Variants in ANO5 observed in about 807,000 individuals in gnomAD.
ANO5 encodes anoctamin 5.
A neutral mutation model predicts 121.0 loss-of-function variants in ANO5; 109 were observed. The observed-to-expected ratio is 0.90, with a 90% CI of 0.77 to 1.06. The LOEUF is 1.06. Ranked by LOEUF, ANO5 falls within the 50% of genes least tolerant of loss-of-function variation. The pLI is 0.00. For synonymous variants in ANO5, 406 were observed against 359.9 expected (o/e 1.13, Z -1.45); for missense variants, 1,064 against 1,078.5 (o/e 0.99, Z 0.19).
chr11:22,267,525 A>ATATATATATATATATATATATAT (rs1239852095), intron 17 of ANO5, among the ~76,000 whole-genome samples: 122 of 139,988 alleles, frequency 8.7e-4, no homozygotes, highest in South Asian at 4.3e-3. Flanking sequence ...TATATATATA[A>ATATATATATATATATATATATAT]AATCTATCTA....
At chr11:22,255,671 A>C in intron 13 of ANO5, 149 bp downstream of exon 13, 1 of 805,898 alleles carries the variant, frequency 1.2e-6, no homozygotes, top group Non-Finnish European at 1.9e-6. Flanking sequence ...TAATATACAT[A>C]CATGTATATA....
chr11:22,246,375 CT>C (rs1229418861), intron 9 of ANO5, among the ~76,000 whole-genome samples: 2 of 151,998 alleles, frequency 1.3e-5, no homozygotes, highest in African/African-American at 4.8e-5. Flanking sequence ...TCTCCTGTGT[CT>C]TAGGTTTGTA....
intron 9 of ANO5, 62 bp from the exon 10 acceptor site, chr11:22,250,175 A>C: frequency 6.8e-7 from 1 of 1,467,126 alleles, no homozygotes; most frequent in South Asian, 1.2e-5. Context: ...TGAATACAAA[A>C]TCAAGGCTCC....
At chr11:22,206,531 C>A (rs1852127026) in intron 2 of ANO5, among the ~76,000 whole-genome samples, 2 of 152,014 alleles carry the variant, frequency 1.3e-5, no homozygotes, top group African/African-American at 2.4e-5. Flanking sequence ...TCAGGCTGGT[C>A]TCGAACTCCT....
chr11:22,234,835 T>C (rs1407602427), intron 7 of ANO5, among the ~76,000 whole-genome samples: 1 of 152,070 alleles, frequency 6.6e-6, no homozygotes, highest in African/African-American at 2.4e-5. Flanking sequence ...AGCTGAACTG[T>C]TTATCCCCAT....
rs377549896 is a variant in ANO5 at position 22,279,711 on chromosome 11, C to G, written c.2688C>G (p.Ala896=). ...ENLGINSNEF[A]KHVMIEENKA... Reference sequence around the variant, plus strand: ...TGGGAATTAATTCTAATGAATTTGCCAAGCATGTCATGATTGAGGAAAACA... The same window carrying G: ...TGGGAATTAATTCTAATGAATTTGCGAAGCATGTCATGATTGAGGAAAACA... Residue 896 remains alanine (A), a synonymous_variant, in exon 22 of 22, where the codon GCC becomes GCG. Transcript: ENST00000324559. 3.9e-5 allele frequency: 63 copies of G among 1,612,732 alleles called. 1 individual carries two copies. Among genetic ancestry groups the G allele is most frequent in the South Asian group, 2.6e-4 (24 of 91,038 alleles).
In ANO5 at chr11:22,217,581, T is replaced by TTTA. The variant is rs933742293; in HGVS notation, c.139-653_139-651dup. 3.3e-5 allele frequency among the ~76,000 whole-genome samples: 5 copies of TTTA among 152,120 alleles called. No homozygotes were observed. In the East Asian group the frequency reaches 7.7e-4, roughly 24 times the overall value. ...TATTTTTATTATTTTCATGTTTTCC[T>TTTA]TTATTATTATTATTTTTCTCTTCTC... On this transcript the variant is annotated intron_variant, in intron 3 of 21. Coordinates refer to ENST00000324559, the MANE Select transcript of ANO5 (RefSeq NM_213599.3).
Position 22,239,595 on chromosome 11 carries a change from TC to T in ANO5, c.792del (p.Asn265IlefsTer25). The T allele has an allele frequency of 6.2e-7, 1 of 1,612,806 alleles. No homozygotes were observed. Among genetic ancestry groups the T allele is most frequent in the South Asian group, 1.1e-5 (1 of 91,062 alleles). On this transcript the variant is annotated frameshift_variant, in exon 9 of 22. Transcript: ENST00000324559. LOFTEE classifies it high-confidence loss of function. ...GCCAATATTGGAAGCCATCAGAACC[TC>T]CCAATCCTACCAATGAAAGATACAC... The part of the protein sequence containing the change: ...DGQYWKPSEP[P>X]NPTNERYTLH...
At chr11:22,263,439 G>C (rs1286031969) in intron 17 of ANO5, among the ~76,000 whole-genome samples, 1 of 151,952 alleles carries the variant, frequency 6.6e-6, no homozygotes, top group East Asian at 1.9e-4. Context: ...TATTATTTCT[G>C]AATATTACTA....
In ANO5 at chr11:22,279,860, C is replaced by A; in HGVS notation, c.*95C>A. Reference sequence around the variant, plus strand: ...CCAGAAGCCATGTGTCAATTTTACCCTTTCTTTTTTTTTTTTTTCTTTTTT... The same window carrying A: ...CCAGAAGCCATGTGTCAATTTTACCATTTCTTTTTTTTTTTTTTCTTTTTT... On this transcript the variant is annotated 3_prime_UTR_variant, in exon 22 of 22. Transcript: ENST00000324559. 9.9e-7 allele frequency: 1 copy of A among 1,006,268 alleles called. No individual in the cohort carries two copies. Among genetic ancestry groups the A allele is most frequent in the Non-Finnish European group, 1.4e-6 (1 of 730,216 alleles). 62.3% of individuals were successfully genotyped at this position (1,006,268 alleles called of 1,614,324 possible). A position where few individuals can be genotyped will look rare whatever the true frequency, so the allele number is the denominator to read the frequency against.
chr11:22,196,013 T>C (rs903667348), intron 1 of ANO5, among the ~76,000 whole-genome samples: 3 of 152,188 alleles, frequency 2.0e-5, no homozygotes, highest in Non-Finnish European at 4.4e-5. Context: ...TTTTTAGATG[T>C]TTCTTAGCAT....
At chr11:22,255,340 A>G (rs1853963140) in intron 12 of ANO5, 31 bp from the exon 13 acceptor site, 1 of 1,509,252 alleles carries the variant, frequency 6.6e-7, no homozygotes, top group Non-Finnish European at 8.9e-7. Context: ...CTTTTTTAAT[A>G]TCTTTTTTTT....
chr11:22,269,497 AAAGG>A (rs1471621713), intron 17 of ANO5, among the ~76,000 whole-genome samples: 2 of 12,862 alleles, frequency 1.6e-4, no homozygotes, highest in African/African-American at 9.9e-4. Flanking sequence ...AGAAAAAAGA[AAAGG>A]AAGGAAAGAA....
In ANO5 at chr11:22,250,297, G is replaced by T; in HGVS notation, c.939G>T (p.Met313Ile). The T allele has an allele frequency of 6.2e-7, 1 of 1,611,304 alleles. No homozygotes were observed. The highest frequency in any genetic ancestry group is 8.5e-7 in the Non-Finnish European group (1 of 1,177,942). The change falls in exon 10 of 22, where the codon ATG (methionine) becomes ATT (isoleucine). Residue 313 changes from methionine to isoleucine, a missense_variant. Met to Ile is a conservative substitution (Grantham distance 10, BLOSUM62 1). Transcript: ENST00000324559. ...YFVFLGFYTE[M>I]LFFAAVVGLA... is the part of the protein sequence containing the mutation. ...TCTTTCTTGGATTTTACACAGAAAT[G>T]CTATTCTTTGCAGCTGTAGTTGGCT...
At position 22,280,016 on chromosome 11, in the gene ANO5, G is replaced by GA. The variant is rs1855025416; in HGVS notation, c.*254dup. The GA allele has an allele frequency of 2.1e-6, 1 of 483,598 alleles. No homozygotes were observed. Among genetic ancestry groups the GA allele is most frequent in the Non-Finnish European group, 3.7e-6 (1 of 271,126 alleles). The allele number at this position is 483,598 out of a possible 1,614,324, so 30.0% of individuals were successfully genotyped here. ...TTCTGAGGTGCTGTAAATGACTGTT[G>GA]AAAGTGCAGGTAGAATCAGAATACT... On this transcript the variant is annotated 3_prime_UTR_variant, in exon 22 of 22. Transcript: ENST00000324559.
intron 12 of ANO5, among the ~76,000 whole-genome samples, chr11:22,251,406 C>A (rs1590285293): frequency 1.3e-5 from 2 of 152,228 alleles, no homozygotes; most frequent in East Asian, 1.9e-4. Flanking sequence ...GACTAATGAA[C>A]ATTTTTGAGT....
In ANO5 at chr11:22,193,438, G is replaced by T. The variant is rs1456546320; in HGVS notation, c.-55G>T. 1.5e-5 allele frequency: 24 copies of T among 1,583,064 alleles called. No homozygotes were observed. Among genetic ancestry groups the T allele is most frequent in the Non-Finnish European group, 1.8e-5 (21 of 1,165,440 alleles). On this transcript the variant is annotated 5_prime_UTR_variant, in exon 1 of 22. Transcript: ENST00000324559. ...GCCTCAGATCTCCACGTCTGTCTCA[G>T]CTGCCCCTCTCCTGCTGCCTCTCAG...
chr11:22,252,029 C>CAAAA lies in ANO5; in HGVS notation c.1180+1045_1180+1048dup, dbSNP rs10525160. Among the ~76,000 whole-genome samples the CAAAA allele has an allele frequency of 3.1e-3, 144 of 45,848 alleles. 6 individuals carry two copies. Among genetic ancestry groups the CAAAA allele is most frequent in the African/African-American group, 9.3e-3 (139 of 14,918 alleles). 30.1% of individuals were successfully genotyped at this position (45,848 alleles called of 152,430 possible). On this transcript the variant is annotated intron_variant, in intron 12 of 21. Transcript: ENST00000324559. ...TGAGAGACAGAGCAAGACGCCGTCTCAAAAAAAAAAAAAAAAAAAAAAAAA... is the reference window on the plus strand; with the variant it reads ...TGAGAGACAGAGCAAGACGCCGTCTCAAAAAAAAAAAAAAAAAAAAAAAAAAAAA...
intron 13 of ANO5, among the ~76,000 whole-genome samples, chr11:22,255,760 G>A (rs1034737164): frequency 1.1e-4 from 17 of 151,950 alleles, no homozygotes; most frequent in African/African-American, 3.6e-4. Context: ...TGAACTACAT[G>A]GATGAACCCA....
Sources: gnomAD v4.1 joint callset for allele counts (sites outside exome capture counted in the v4.1 genomes callset) on GRCh38, gnomAD v4.1.1 for gene constraint, MANE v1.5 for transcripts, NCBI Gene and HGNC (gene_info 2026-07-23, HGNC 2026-07-21) for gene names.